Variants in MED13L observed in about 807,000 individuals in gnomAD.
MED13L encodes the protein mediator complex subunit 13L.
A neutral mutation model predicts 220.9 loss-of-function variants in MED13L; 7 were observed. The ratio of observed to expected loss-of-function variants is 0.03; its 90% CI spans 0.02 to 0.06. The LOEUF is 0.06. Ranked by LOEUF, MED13L falls within the 10% of genes least tolerant of loss-of-function variation. The pLI is 1.00. For missense variants in MED13L, 1,965 were observed against 2,760.5 expected, an observed-to-expected ratio of 0.71 and a Z score of 6.46; for synonymous variants, 1,011 against 1,015.2, an observed-to-expected ratio of 1.00 and a Z score of 0.08.
At chr12:115,974,927 A>G (rs973329913) in intron 25 of MED13L, among the ~76,000 whole-genome samples, 7 of 152,248 alleles carry the variant, frequency 4.6e-5, no homozygotes, top group Non-Finnish European at 8.8e-5. Flanking sequence ...TATCATTTTT[A>G]TATTAATAAA....
intron 15 of MED13L, 43 bp from the exon 16 acceptor site, chr12:115,996,724 T>C: frequency 6.6e-7 from 1 of 1,523,374 alleles, no homozygotes; most frequent in African/African-American, 1.4e-5. Flanking sequence ...TGGTAAACTC[T>C]GTAGAACACA....
At chr12:116,272,518 C>T (rs1156762074) in intron 1 of MED13L, among the ~76,000 whole-genome samples, 1 of 151,524 alleles carries the variant, frequency 6.6e-6, no homozygotes, top group African/African-American at 2.4e-5. Flanking sequence ...GCCAAGACTT[C>T]ACCAGCCTGG....
At chr12:115,963,830 G>C (rs1320724976) in intron 29 of MED13L, among the ~76,000 whole-genome samples, 1 of 152,044 alleles carries the variant, frequency 6.6e-6, no homozygotes, top group Non-Finnish European at 1.5e-5. Flanking sequence ...CCCATGAATT[G>C]ATATCGCCAA....
At chr12:116,209,794 T>C (rs1882577878) in intron 2 of MED13L, among the ~76,000 whole-genome samples, 1 of 152,172 alleles carries the variant, frequency 6.6e-6, no homozygotes. Context: ...TACAGAGCCC[T>C]CAAACTTTGG....
intron 23 of MED13L, 106 bp downstream of exon 23, chr12:115,980,644 T>C (rs1418613437): frequency 2.5e-6 from 3 of 1,218,608 alleles, no homozygotes; most frequent in Non-Finnish European, 3.6e-6. Flanking sequence ...TATATCAATG[T>C]AGAAGACCAA....
At position 115,982,373 on chromosome 12, in the gene MED13L, C is replaced by T. The variant is rs1289550657; in HGVS notation, c.5175+11G>A. The T allele has an allele frequency of 1.3e-6, 2 of 1,597,800 alleles. No individual in the cohort carries two copies. The highest frequency in any genetic ancestry group is 1.7e-6 in the Non-Finnish European group (2 of 1,165,246). On this transcript the variant is annotated intron_variant, in intron 22 of 30. Coordinates refer to ENST00000281928, the MANE Select transcript of MED13L (RefSeq NM_015335.5). ...ACATCAAAAGTAAATAATAAACTTG[C>T]AAACAGTAACCTGGAGAATGAAAGA...
At chr12:116,252,897 A>G (rs981400144) in intron 1 of MED13L, among the ~76,000 whole-genome samples, 1 of 152,162 alleles carries the variant, frequency 6.6e-6, no homozygotes, top group Non-Finnish European at 1.5e-5. Flanking sequence ...AATAAAACTC[A>G]GGTTAAATGA....
intron 13 of MED13L, among the ~76,000 whole-genome samples, chr12:116,003,904 C>A (rs901669580): frequency 3.3e-5 from 5 of 152,018 alleles, no homozygotes; most frequent in Non-Finnish European, 5.9e-5. Flanking sequence ...TAAGGTAAAC[C>A]GCTCATGTGA....
At chr12:116,056,801 C>T (rs912792038) in intron 4 of MED13L, among the ~76,000 whole-genome samples, 3 of 152,118 alleles carry the variant, frequency 2.0e-5, no homozygotes, top group Non-Finnish European at 2.9e-5. Context: ...CTATCTTGTG[C>T]TCTAATTCAA....
At chr12:116,094,727 A>T (rs886954899) in intron 4 of MED13L, among the ~76,000 whole-genome samples, 1 of 152,182 alleles carries the variant, frequency 6.6e-6, no homozygotes, top group Non-Finnish European at 1.5e-5. Context: ...GCATGGACAG[A>T]TGTACTCAGA....
chr12:116,075,910 ATTTT>A (rs774757433), intron 4 of MED13L, among the ~76,000 whole-genome samples: 44 of 134,228 alleles, frequency 3.3e-4, no homozygotes, highest in South Asian at 7.2e-4. Flanking sequence ...GAGCCAGAAG[ATTTT>A]TTTTTTTTTT....
intron 9 of MED13L, 22 bp from the exon 10 acceptor site, chr12:116,009,154 A>C: frequency 6.2e-7 from 1 of 1,613,528 alleles, no homozygotes; most frequent in Non-Finnish European, 8.5e-7. Flanking sequence ...GTAAACAATT[A>C]CATCATTATA....
At chr12:116,130,682 T>C (rs1390319716) in intron 2 of MED13L, among the ~76,000 whole-genome samples, 1 of 150,494 alleles carries the variant, frequency 6.6e-6, no homozygotes, top group African/African-American at 2.4e-5. Context: ...CTTCCTGTGA[T>C]GTACTGTATG....
chr12:116,273,490 CAA>C (rs879432457), intron 1 of MED13L, among the ~76,000 whole-genome samples: 10 of 134,358 alleles, frequency 7.4e-5, no homozygotes, highest in South Asian at 2.4e-4. Context: ...TGTTCTAGCG[CAA>C]AAAAAAAAAA....
At chr12:116,231,819 T>C (rs1200094864) in intron 2 of MED13L, among the ~76,000 whole-genome samples, 1 of 152,092 alleles carries the variant, frequency 6.6e-6, no homozygotes, top group Non-Finnish European at 1.5e-5. Flanking sequence ...AAAAGAGGCA[T>C]ATGCATATAA....
In MED13L at chr12:116,121,176, C is replaced by T. The variant is rs536727579; in HGVS notation, c.311-9664G>A. ...TCCTCATAATCAAATATTTAAACTG[C>T]AAAAGTAGTATATAAATGTTTTTTA... is the stretch of plus-strand genomic sequence containing the variant. On this transcript the variant is annotated intron_variant, in intron 2 of 30. Transcript: ENST00000281928. Among the ~76,000 whole-genome samples, 8 of 152,046 alleles carry T rather than the reference C, an allele frequency of 5.3e-5. No individual in the cohort carries two copies. In the South Asian group the frequency reaches 1.7e-3, roughly 32 times the overall value.
intron 2 of MED13L, among the ~76,000 whole-genome samples, chr12:116,154,186 AAAATG>A (rs1340259075): frequency 6.6e-6 from 1 of 152,220 alleles, no homozygotes; most frequent in African/African-American, 2.4e-5. Context: ...GCAAATGAAG[AAAATG>A]AAATGTGGTG....
chr12:116,211,219 G>A (rs1882683441), intron 2 of MED13L, among the ~76,000 whole-genome samples: 1 of 152,144 alleles, frequency 6.6e-6, no homozygotes, highest in Non-Finnish European at 1.5e-5. Flanking sequence ...ACCTAGACCA[G>A]CACTGTCCAA....
chr12:116,007,196 A>G lies in MED13L; in HGVS notation c.2238+215T>C, dbSNP rs891180672. On this transcript the variant is annotated intron_variant, in intron 11 of 30. Coordinates refer to ENST00000281928, the MANE Select transcript of MED13L (RefSeq NM_015335.5). Reference sequence around the variant, plus strand: ...TATAGCCTGGAAAATATGAGGCTTCATTTATGTTCGGCTGACTTTTAAACA... The same window carrying G: ...TATAGCCTGGAAAATATGAGGCTTCGTTTATGTTCGGCTGACTTTTAAACA... 8 of 599,636 alleles carry G rather than the reference A, an allele frequency of 1.3e-5. No homozygotes were observed. In the Admixed American group the frequency reaches 1.6e-4, roughly 12 times the overall value. The allele number at this position is 599,636 out of a possible 1,614,324, so 37.1% of individuals were successfully genotyped here. A position where few individuals can be genotyped will look rare whatever the true frequency, so the allele number is the denominator to read the frequency against.
Sources: allele counts gnomAD v4.1 joint callset (sites outside exome capture counted in the v4.1 genomes callset), GRCh38; gene constraint gnomAD v4.1.1; transcripts MANE v1.5; gene names NCBI Gene and HGNC (gene_info 2026-07-23, HGNC 2026-07-21).